Variants in TET2 observed in about 807,000 individuals in gnomAD.
The protein encoded by TET2 is tet methylcytosine dioxygenase 2.
A neutral mutation model predicts 142.9 loss-of-function variants in TET2; 299 were observed. The ratio of observed to expected loss-of-function variants is 2.09; its 90% CI spans 1.90 to 2.30. The LOEUF is 2.30. Ranked by LOEUF, TET2 falls within the 30% of genes most tolerant of loss-of-function variation. TET2 has a pLI of 0.00. For synonymous variants in TET2, 819 were observed against 849.0 expected, an observed-to-expected ratio of 0.96 and a Z score of 0.61; for missense variants, 2,418 against 2,378.0, an observed-to-expected ratio of 1.02 and a Z score of -0.35.
intron 2 of TET2, among the ~76,000 whole-genome samples, chr4:105,214,471 ATT>A (rs35752514): frequency 2.2e-5 from 2 of 92,100 alleles, no homozygotes; most frequent in Non-Finnish European, 4.2e-5. Context: ...CACACCTGGC[ATT>A]TTTTTTTTTT....
At chr4:105,193,895 C>A (rs1725928945) in intron 2 of TET2, among the ~76,000 whole-genome samples, 1 of 152,036 alleles carries the variant, frequency 6.6e-6, no homozygotes, top group South Asian at 2.1e-4. Flanking sequence ...TAACATAGTA[C>A]AAAAGTTGTT....
chr4:105,184,947 A>G (rs1168873365), intron 1 of TET2, among the ~76,000 whole-genome samples: 1 of 152,190 alleles, frequency 6.6e-6, no homozygotes, highest in Non-Finnish European at 1.5e-5. Context: ...CATGCCATGA[A>G]GGTGTACTAA....
intron 2 of TET2, among the ~76,000 whole-genome samples, chr4:105,215,420 T>A (rs1266486056): frequency 6.6e-6 from 1 of 152,146 alleles, no homozygotes; most frequent in African/African-American, 2.4e-5. Flanking sequence ...TTTGTGACAT[T>A]TGACTTATAT....
At chr4:105,197,453 C>CT (rs1353006642) in intron 2 of TET2, among the ~76,000 whole-genome samples, 1 of 152,148 alleles carries the variant, frequency 6.6e-6, no homozygotes, top group Non-Finnish European at 1.5e-5. Context: ...CTGTTTTTCA[C>CT]TGTCAGAGAA....
rs1728774307 is a variant in TET2, at chr4:105,235,191, C to T, written c.1249C>T (p.Gln417Ter). The change falls in exon 3 of 11, where the codon CAG becomes TAG. Residue 417 changes from glutamine to a stop codon, truncating the protein, a stop_gained. Coordinates refer to ENST00000380013, the MANE Select transcript of TET2 (RefSeq NM_001127208.3). LOFTEE classifies it high-confidence loss of function. ...CCCTCCTCCTCTTCCACAGGTTCCTCAGCTTCCTTCAGAAGGAAAAAGCAC... is the reference window on the plus strand; with the variant it reads ...CCCTCCTCCTCTTCCACAGGTTCCTTAGCTTCCTTCAGAAGGAAAAAGCAC... ...SPPPPLPQVP[Q>*]LPSEGKSTLN... 6 of 1,614,110 alleles carry T rather than the reference C, an allele frequency of 3.7e-6. No individual in the cohort carries two copies. The highest frequency in any genetic ancestry group is 1.7e-5 in the Admixed American group (1 of 60,000).
At chr4:105,240,515 C>G (rs536028023) in intron 3 of TET2, 2 of 1,077,958 alleles carry the variant, frequency 1.9e-6, no homozygotes, top group Non-Finnish European at 1.1e-6. Context: ...ATGACCTACC[C>G]GTGCCATGTT....
intron 2 of TET2, among the ~76,000 whole-genome samples, chr4:105,226,666 T>A (rs548457690): frequency 6.6e-6 from 1 of 151,954 alleles, no homozygotes; most frequent in South Asian, 2.1e-4. Context: ...TCTCTCTTTT[T>A]CTCCCACTCC....
intron 2 of TET2, among the ~76,000 whole-genome samples, chr4:105,229,247 T>C (rs1003354864): frequency 1.3e-5 from 2 of 152,236 alleles, no homozygotes; most frequent in African/African-American, 4.8e-5. Flanking sequence ...CATCTCTTAA[T>C]GTATGGAAGG....
rs1367936145 is a variant in TET2, at chr4:105,272,869, A to G, written c.4488A>G (p.Pro1496=). Residue 1496 remains proline (P), a synonymous_variant, in exon 10 of 11, where the codon CCA becomes CCG. Coordinates refer to ENST00000380013, the MANE Select transcript of TET2 (RefSeq NM_001127208.3). ...AAAATGAAAAGGAAAAGTCAGCCCC[A>G]TCACGTACAAAACAAACTGAAAACG... is the stretch of plus-strand genomic sequence containing the variant. ...SNKNEKEKSA[P]SRTKQTENAS... 1.3e-6 allele frequency: 2 copies of G among 1,549,180 alleles called. No homozygotes were observed. The highest frequency in any genetic ancestry group is 2.8e-5 in the African/African-American group (2 of 72,680).
At chr4:105,237,591 C>T in intron 3 of TET2, 1 of 1,469,336 alleles carries the variant, frequency 6.8e-7, no homozygotes, top group East Asian at 2.5e-5. Flanking sequence ...GTTTATTTTT[C>T]CCTCTCTTCA....
At chr4:105,150,088 C>T (rs752106495) in intron 1 of TET2, among the ~76,000 whole-genome samples, 12 of 152,188 alleles carry the variant, frequency 7.9e-5, no homozygotes, top group Admixed American at 2.0e-4. Context: ...TAATTACTGA[C>T]CTCATTAAGA....
Position 105,275,572 on chromosome 4 carries a change from A to T in TET2, c.5062A>T (p.Ser1688Cys). 3 of 1,551,718 alleles carry T rather than the reference A, an allele frequency of 1.9e-6. No homozygotes were observed. The highest frequency in any genetic ancestry group is 2.6e-6 in the Non-Finnish European group (3 of 1,146,978). ...LYQPRFGNSQ[S>C]FTSKYLGYGN... ...CCAGCCAAGGTTTGGAAATAGCCAG[A>T]GTTTTACATCTAAATACTTAGGTTA... Residue 1688 changes from serine to cysteine, a missense_variant, in exon 11 of 11, where the codon AGT becomes TGT. Coordinates refer to ENST00000380013, the MANE Select transcript of TET2 (RefSeq NM_001127208.3).
intron 1 of TET2, among the ~76,000 whole-genome samples, chr4:105,170,021 A>G (rs759976958): frequency 1.3e-5 from 2 of 151,718 alleles, no homozygotes; most frequent in African/African-American, 2.4e-5. Flanking sequence ...ATTCTGCCCA[A>G]TTTGTTCTTT....
At position 105,279,311 on chromosome 4, in the gene TET2, T is replaced by G. The variant is rs1731355156; in HGVS notation, c.*2792T>G. The G allele has an allele frequency of 4.3e-6, 1 of 231,912 alleles. No individual in the cohort carries two copies. Among genetic ancestry groups the G allele is most frequent in the South Asian group, 1.8e-4 (1 of 5,522 alleles). The allele number at this position is 231,912 out of a possible 1,614,324, so 14.4% of individuals were successfully genotyped here. On this transcript the variant is annotated 3_prime_UTR_variant, in exon 11 of 11. Transcript: ENST00000380013. ...TTTGGGGGGTTGGGGAGAGTTTACATAAGGAAGAGAAGAAATTGAGTGGCA... is the reference window on the plus strand; with the variant it reads ...TTTGGGGGGTTGGGGAGAGTTTACAGAAGGAAGAGAAGAAATTGAGTGGCA...
At chr4:105,175,245 G>C (rs562608287) in intron 1 of TET2, among the ~76,000 whole-genome samples, 1 of 152,276 alleles carries the variant, frequency 6.6e-6, no homozygotes, top group Admixed American at 6.5e-5. Flanking sequence ...ATCAGAAGCA[G>C]AGTCAAATAT....
At chr4:105,147,155 T>A (rs1381534570) in intron 1 of TET2, among the ~76,000 whole-genome samples, 176 bp downstream of exon 1, 2 of 152,214 alleles carry the variant, frequency 1.3e-5, no homozygotes, top group African/African-American at 4.8e-5. Context: ...AATATAGTTT[T>A]AATTCCCTCT....
At chr4:105,244,703 C>T (rs995240077) in intron 6 of TET2, among the ~76,000 whole-genome samples, 2 of 143,268 alleles carry the variant, frequency 1.4e-5, no homozygotes, top group African/African-American at 5.2e-5. Context: ...TCAAGAGATT[C>T]TCCTGCCTCA....
chr4:105,212,711 C>T (rs2110550620), intron 2 of TET2, among the ~76,000 whole-genome samples: 1 of 152,108 alleles, frequency 6.6e-6, no homozygotes, highest in East Asian at 1.9e-4. Context: ...AATTTCCAGC[C>T]AGGTGCGGTA....
At chr4:105,186,057 T>G (rs571528426) in intron 1 of TET2, among the ~76,000 whole-genome samples, 32 of 152,194 alleles carry the variant, frequency 2.1e-4, no homozygotes, top group African/African-American at 7.5e-4. Flanking sequence ...TGAGACCTCA[T>G]CTCTACAAAA....
Sources: allele counts gnomAD v4.1 joint callset (sites outside exome capture counted in the v4.1 genomes callset), GRCh38; gene constraint gnomAD v4.1.1; transcripts MANE v1.5; gene names NCBI Gene and HGNC (gene_info 2026-07-23, HGNC 2026-07-21).